LHPP: variants seen among roughly 807,000 people sequenced by gnomAD.
LHPP encodes the protein hLHPP.
LHPP carries 24 observed loss-of-function variants against 30.3 expected under a neutral mutation model. That is an observed-to-expected ratio of 0.79 (90% CI 0.57 to 1.11). The LOEUF is 1.11. Among genes scored for constraint, LHPP ranks in the 50% most tolerant of loss-of-function variants. LHPP has a pLI of 0.00. For synonymous variants in LHPP, 150 were observed against 157.1 expected, an observed-to-expected ratio of 0.95 and a Z score of 0.34; for missense variants, 356 against 367.2, an observed-to-expected ratio of 0.97 and a Z score of 0.25.
intron 6 of LHPP, among the ~76,000 whole-genome samples, chr10:124,544,555 C>T (rs1955284889): frequency 6.6e-6 from 1 of 152,236 alleles, no homozygotes; most frequent in Admixed American, 6.5e-5. Flanking sequence ...TTATTCACCA[C>T]CAGACCCGAA....
intron 6 of LHPP, among the ~76,000 whole-genome samples, chr10:124,571,193 G>A (rs1246448361): frequency 6.6e-6 from 1 of 152,210 alleles, no homozygotes; most frequent in Non-Finnish European, 1.5e-5. Context: ...AGTCTCTCTG[G>A]TATGTCTTTA....
At chr10:124,495,921 C>G (rs1000362281) in intron 3 of LHPP, among the ~76,000 whole-genome samples, 1 of 152,220 alleles carries the variant, frequency 6.6e-6, no homozygotes, top group African/African-American at 2.4e-5. Flanking sequence ...CTGAGGCCCA[C>G]AGGCGTAAGC....
At chr10:124,515,229 A>G (rs796387250) in intron 5 of LHPP, among the ~76,000 whole-genome samples, 23 of 152,206 alleles carry the variant, frequency 1.5e-4, no homozygotes, top group African/African-American at 4.3e-4. Flanking sequence ...GGCAGTTTCT[A>G]TTGCCATGTC....
intron 6 of LHPP, among the ~76,000 whole-genome samples, chr10:124,574,233 G>A (rs1458429724): frequency 1.3e-5 from 2 of 152,240 alleles, no homozygotes; most frequent in Non-Finnish European, 2.9e-5. Flanking sequence ...ATGGATCTCA[G>A]CGCGCAGCCA....
chr10:124,474,096 AG>A (rs1429992547), intron 1 of LHPP, among the ~76,000 whole-genome samples: 3 of 150,330 alleles, frequency 2.0e-5, no homozygotes, highest in Non-Finnish European at 3.0e-5. Flanking sequence ...TTGTTGTTGA[AG>A]GGTCAAATAA....
At chr10:124,602,089 G>A (rs1457410387) in intron 6 of LHPP, among the ~76,000 whole-genome samples, 1 of 152,216 alleles carries the variant, frequency 6.6e-6, no homozygotes, top group African/African-American at 2.4e-5. Flanking sequence ...TCTAGCCAGA[G>A]TCAACCAGCC....
At chr10:124,603,498 G>GCCAGAGAGGTGAGGGAC (rs1157062939) in intron 6 of LHPP, among the ~76,000 whole-genome samples, 5 of 152,176 alleles carry the variant, frequency 3.3e-5, no homozygotes, top group African/African-American at 9.6e-5. Flanking sequence ...TGGTCCCCAG[G>GCCAGAGAGGTGAGGGAC]CCAGAGAGGT....
chr10:124,599,075 C>G (rs1309687809), intron 6 of LHPP, among the ~76,000 whole-genome samples: 2 of 151,974 alleles, frequency 1.3e-5, no homozygotes, highest in Non-Finnish European at 2.9e-5. Context: ...ACTCATCCAC[C>G]CTGATGCAGT....
rs1376091947 is a variant in LHPP, at chr10:124,599,198, C to T, written c.717-14066C>T. ...CACTCATCCCACCCACCCATCCATC[C>T]ACCCATCCGTCCCCAGCCATCCATC... On this transcript the variant is annotated intron_variant, in intron 6 of 6. Coordinates refer to ENST00000368842, the MANE Select transcript of LHPP (RefSeq NM_022126.4). 2.0e-5 allele frequency among the ~76,000 whole-genome samples: 3 copies of T among 152,260 alleles called. No homozygotes were observed. The East Asian group carries it at 5.8e-4, about 29-fold the overall frequency.
At chr10:124,603,597 G>A (rs528117108) in intron 6 of LHPP, among the ~76,000 whole-genome samples, 6 of 152,104 alleles carry the variant, frequency 3.9e-5, no homozygotes, top group East Asian at 1.9e-4. Flanking sequence ...CTTCAAAGCC[G>A]CCCGAGAAGG....
intron 6 of LHPP, among the ~76,000 whole-genome samples, chr10:124,582,880 C>A (rs910884599): frequency 6.6e-6 from 1 of 151,654 alleles, no homozygotes; most frequent in Non-Finnish European, 1.5e-5. Context: ...ATTTACTGTT[C>A]ATGAAGCAGA....
chr10:124,595,667 A>G (rs1411962504), intron 6 of LHPP, among the ~76,000 whole-genome samples: 1 of 152,082 alleles, frequency 6.6e-6, no homozygotes, highest in East Asian at 1.9e-4. Context: ...TTTCTGAGCC[A>G]TCTGGTGTAG....
At chr10:124,558,697 C>A (rs535744913) in intron 6 of LHPP, among the ~76,000 whole-genome samples, 195 of 152,350 alleles carry the variant, frequency 1.3e-3, no homozygotes, top group Non-Finnish European at 2.1e-3. Flanking sequence ...TCAGGACTCA[C>A]TTTTATTTTG....
At chr10:124,609,974 CTTTGGTGAACGTGAG>C (rs943123112) in intron 6 of LHPP, among the ~76,000 whole-genome samples, 4 of 152,182 alleles carry the variant, frequency 2.6e-5, no homozygotes, top group African/African-American at 9.7e-5. Flanking sequence ...GTGAACGTGC[CTTTGGTGAACGTGAG>C]GATGCATTTC....
chr10:124,575,733 C>T (rs981027350), intron 6 of LHPP, among the ~76,000 whole-genome samples: 2 of 152,200 alleles, frequency 1.3e-5, no homozygotes, highest in Non-Finnish European at 2.9e-5. Flanking sequence ...CCCACTGCCA[C>T]TGCGTCACGT....
At chr10:124,562,873 A>G (rs776030099) in intron 6 of LHPP, among the ~76,000 whole-genome samples, 2 of 151,804 alleles carry the variant, frequency 1.3e-5, no homozygotes, top group Non-Finnish European at 2.9e-5. Flanking sequence ...CAGAGGTTGT[A>G]GTGAGCCGAG....
chr10:124,608,059 C>T (rs999224417), intron 6 of LHPP, among the ~76,000 whole-genome samples: 10 of 152,138 alleles, frequency 6.6e-5, no homozygotes, highest in Non-Finnish European at 1.0e-4. Flanking sequence ...GGCAGAGCCT[C>T]GGCGTAGGAG....
At chr10:124,464,941 T>C (rs1430365800) in intron 1 of LHPP, among the ~76,000 whole-genome samples, 3 of 152,162 alleles carry the variant, frequency 2.0e-5, no homozygotes, top group African/African-American at 7.2e-5. Flanking sequence ...TACCCATCAG[T>C]AGGGGAGTAT....
At chr10:124,575,422 C>T (rs1948645165) in intron 6 of LHPP, among the ~76,000 whole-genome samples, 2 of 152,170 alleles carry the variant, frequency 1.3e-5, no homozygotes, top group Non-Finnish European at 2.9e-5. Flanking sequence ...ACGCCATTTA[C>T]TTGGAGAAGC....
Sources: gnomAD v4.1 joint callset for allele counts (sites outside exome capture counted in the v4.1 genomes callset) on GRCh38, gnomAD v4.1.1 for gene constraint, MANE v1.5 for transcripts, NCBI Gene and HGNC (gene_info 2026-07-23, HGNC 2026-07-21) for gene names.